The following DCAF6 variants were observed in gnomAD, a reference collection of about 807,000 sequenced individuals.
The protein encoded by DCAF6 is DDB1- and CUL4-associated factor 6.
Under a neutral mutation model 125.1 loss-of-function variants are expected in DCAF6, and 54 were observed. The observed-to-expected ratio is 0.43, with a 90% CI of 0.35 to 0.54. The LOEUF (loss-of-function observed/expected upper bound fraction) is 0.54, where lower values mean the gene tolerates loss of function less well. DCAF6 is among the 20% of genes least tolerant of loss of function. The pLI, the probability that DCAF6 is intolerant of heterozygous loss-of-function variation, is 0.01. For synonymous variants in DCAF6, 371 were observed against 390.4 expected, an observed-to-expected ratio of 0.95 and a Z score of 0.58; for missense variants, 934 against 1,161.7, an observed-to-expected ratio of 0.80 and a Z score of 2.85.
chr1:167,901,402 G>A, the DCAF6 span, among the ~76,000 whole-genome samples: 1 of 152,236 alleles, frequency 6.6e-6, no homozygotes, highest in East Asian at 1.9e-4. Flanking sequence ...TTATTGGGTG[G>A]TTCCTATGCA....
At chr1:167,905,477 AG>A in the DCAF6 span, among the ~76,000 whole-genome samples, 1 of 152,218 alleles carries the variant, frequency 6.6e-6, no homozygotes, top group African/African-American at 2.4e-5. Context: ...AGGCCCTCGC[AG>A]GGCAAGTCCA....
At chr1:168,007,525 A>C (rs1230224096) in intron 10 of DCAF6, among the ~76,000 whole-genome samples, 1 of 152,008 alleles carries the variant, frequency 6.6e-6, no homozygotes, top group Non-Finnish European at 1.5e-5. Context: ...TTTTAATCAA[A>C]GTCACTAGTG....
chr1:167,873,370 C>A, the DCAF6 span, among the ~76,000 whole-genome samples: 1 of 152,156 alleles, frequency 6.6e-6, no homozygotes, highest in African/African-American at 2.4e-5. Flanking sequence ...AGTTCTGGAA[C>A]TGTTGCCCTC....
At chr1:167,916,198 G>C in the DCAF6 span, among the ~76,000 whole-genome samples, 11 of 148,842 alleles carry the variant, frequency 7.4e-5, no homozygotes, top group African/African-American at 2.8e-4. Context: ...GAGAGTTTTT[G>C]ACAGGATACA....
At chr1:167,956,390 T>C (rs1674791449) in intron 2 of DCAF6, among the ~76,000 whole-genome samples, 1 of 152,210 alleles carries the variant, frequency 6.6e-6, no homozygotes, top group African/African-American at 2.4e-5. Flanking sequence ...TAAGTATCTG[T>C]AGAATCTGTA....
the DCAF6 span, among the ~76,000 whole-genome samples, chr1:167,872,437 G>A: frequency 7.3e-5 from 11 of 151,350 alleles, no homozygotes; most frequent in East Asian, 9.7e-4. Flanking sequence ...AACACCTACT[G>A]GTAGAACCTT....
At chr1:168,060,561 A>G (rs1691462515) in intron 17 of DCAF6, among the ~76,000 whole-genome samples, 1 of 152,184 alleles carries the variant, frequency 6.6e-6, no homozygotes, top group African/African-American at 2.4e-5. Context: ...CACCTCATTT[A>G]CTAATGCAGC....
At chr1:167,991,961 G>A (rs1210812120) in intron 6 of DCAF6, among the ~76,000 whole-genome samples, 1 of 152,068 alleles carries the variant, frequency 6.6e-6, no homozygotes, top group Non-Finnish European at 1.5e-5. Context: ...ACATTCTGAG[G>A]TTCTGTGTAG....
At chr1:168,008,217 C>T (rs149388597) in intron 10 of DCAF6, among the ~76,000 whole-genome samples, 184 of 152,118 alleles carry the variant, frequency 1.2e-3, no homozygotes, top group Non-Finnish European at 2.1e-3. Flanking sequence ...AGTCCATCCG[C>T]CTCGGCCTCC....
At chr1:168,013,677 T>C (rs1684588924) in intron 10 of DCAF6, among the ~76,000 whole-genome samples, 1 of 152,114 alleles carries the variant, frequency 6.6e-6, no homozygotes, top group African/African-American at 2.4e-5. Flanking sequence ...TCTCCTTCAG[T>C]TAAACATTCT....
In DCAF6 at chr1:167,949,961, A is replaced by T. The variant is rs548379755; in HGVS notation, c.98-1839A>T. Among the ~76,000 whole-genome samples the T allele has an allele frequency of 2.0e-5, 3 of 152,322 alleles. No homozygotes were observed. In the East Asian group the frequency reaches 5.8e-4, roughly 29 times the overall value. ...ATGTCTGGACGATGCAATAAATTTT[A>T]TCTCCAAAGTCATGTATAAAAATGT... On this transcript the variant is annotated intron_variant, in intron 1 of 21. Transcript: ENST00000367840.
Position 168,052,637 on chromosome 1 carries a change from A to G in DCAF6, c.2300+1704A>G, listed in dbSNP as rs147213569. Among the ~76,000 whole-genome samples, 3 of 152,298 alleles carry G rather than the reference A, an allele frequency of 2.0e-5. No homozygotes were observed. The East Asian group carries it at 5.8e-4, about 29-fold the overall frequency. ...AATTAGAAAAATAAAATTATCACAGATGTTTATATCTACTGCCCGTTATGA... is the reference window on the plus strand; with the variant it reads ...AATTAGAAAAATAAAATTATCACAGGTGTTTATATCTACTGCCCGTTATGA... On this transcript the variant is annotated intron_variant, in intron 17 of 21. Coordinates refer to ENST00000367840, the MANE Select transcript of DCAF6 (RefSeq NM_001198956.2).
chr1:167,880,986 A>T, the DCAF6 span, among the ~76,000 whole-genome samples: 1 of 152,212 alleles, frequency 6.6e-6, no homozygotes, highest in Non-Finnish European at 1.5e-5. Context: ...CTCTGTCCTC[A>T]AGCCACTTCT....
the DCAF6 span, among the ~76,000 whole-genome samples, chr1:167,889,263 T>G: frequency 6.6e-6 from 1 of 152,188 alleles, no homozygotes; most frequent in African/African-American, 2.4e-5. Flanking sequence ...TACACAGTTT[T>G]TTGGGAATTT....
rs569579742 is a variant in DCAF6 at position 167,937,860 on chromosome 1, CTCTT to C, written c.97+860_97+863del. On this transcript the variant is annotated intron_variant, in intron 1 of 21. Transcript: ENST00000367840. ...GTTTCTTCCTGTATACTCTTCATTA[CTCTT>C]TCTTTCTATTTGGAGATACGGCAAA... Among the ~76,000 whole-genome samples the C allele has an allele frequency of 5.0e-3, 755 of 152,090 alleles. 7 individuals are homozygous for C. The highest frequency in any genetic ancestry group is 7.2e-3 in the Non-Finnish European group (492 of 67,986).
At position 167,936,733 on chromosome 1, in the gene DCAF6, G is replaced by T; in HGVS notation, c.-179G>T. On this transcript the variant is annotated 5_prime_UTR_variant, in exon 1 of 22. Coordinates refer to ENST00000367840, the MANE Select transcript of DCAF6 (RefSeq NM_001198956.2). ...AGAGTATGAGGCGAGCTCCGGCCCGGGTGCGGCCGGGCTTCAGGGGCCCAG... is the reference window on the plus strand; with the variant it reads ...AGAGTATGAGGCGAGCTCCGGCCCGTGTGCGGCCGGGCTTCAGGGGCCCAG... 1 of 600,130 alleles carries T rather than the reference G, an allele frequency of 1.7e-6. No homozygotes were observed. Among genetic ancestry groups the T allele is most frequent in the Non-Finnish European group, 3.0e-6 (1 of 335,976 alleles). 37.2% of individuals were successfully genotyped at this position (600,130 alleles called of 1,614,324 possible).
chr1:167,918,028 G>A, the DCAF6 span: 4 of 252,532 alleles, frequency 1.6e-5, no homozygotes, highest in East Asian at 1.6e-4. Context: ...GTTCTTTTAT[G>A]TACATATGTT....
At chr1:168,053,469 A>G (rs534861893) in intron 17 of DCAF6, among the ~76,000 whole-genome samples, 1 of 152,292 alleles carries the variant, frequency 6.6e-6, no homozygotes, top group East Asian at 1.9e-4. Flanking sequence ...CTCCCCACAC[A>G]GTTGATTGCT....
At chr1:167,925,442 C>CGTATATATATATATATATAT in the DCAF6 span, among the ~76,000 whole-genome samples, 8 of 82,474 alleles carry the variant, frequency 9.7e-5, no homozygotes, top group Non-Finnish European at 1.1e-4. Context: ...TACATATACA[C>CGTATATATATATATATATAT]ATATATATAT....
Sources: allele counts gnomAD v4.1 joint callset (sites outside exome capture counted in the v4.1 genomes callset), GRCh38; gene constraint gnomAD v4.1.1; transcripts MANE v1.5; gene names NCBI Gene and HGNC (gene_info 2026-07-23, HGNC 2026-07-21).